The following DLGAP2 variants were observed in gnomAD, a reference collection of about 807,000 sequenced individuals.
DLGAP2 encodes the protein DLG associated protein 2, also known as disks large-associated protein 2.
A neutral mutation model predicts 100.3 loss-of-function variants in DLGAP2; 26 were observed. That is an observed-to-expected ratio of 0.26 (90% CI 0.19 to 0.36). DLGAP2 has a LOEUF of 0.36. Ranked by LOEUF, DLGAP2 falls within the 10% of genes least tolerant of loss-of-function variation. The pLI, the probability that DLGAP2 is intolerant of heterozygous loss-of-function variation, is 1.00. For synonymous variants in DLGAP2, 886 were observed against 630.1 expected, an observed-to-expected ratio of 1.41 and a Z score of -6.08; for missense variants, 1,858 against 1,453.2, an observed-to-expected ratio of 1.28 and a Z score of -4.53.
intron 2 of DLGAP2, among the ~76,000 whole-genome samples, chr8:1,025,143 CGTGTGT>C (rs1002812332): frequency 1.3e-5 from 2 of 151,582 alleles, no homozygotes; most frequent in African/African-American, 2.4e-5. Flanking sequence ...TGTGTGTGTG[CGTGTGT>C]GTGTGCGCAC....
intron 4 of DLGAP2, among the ~76,000 whole-genome samples, chr8:1,544,761 C>T (rs1381455572): frequency 1.4e-5 from 2 of 146,892 alleles, no homozygotes; most frequent in East Asian, 2.0e-4. Flanking sequence ...AGACAGAGGT[C>T]TCACTTTTGT....
chr8:1,255,657 T>G (rs1799186033), intron 2 of DLGAP2, among the ~76,000 whole-genome samples: 1 of 141,272 alleles, frequency 7.1e-6, no homozygotes, highest in Admixed American at 7.0e-5. Flanking sequence ...CCGGGCGCTG[T>G]GTGTGTGTCG....
chr8:762,542 A>C (rs558350181), intron 1 of DLGAP2, among the ~76,000 whole-genome samples: 8 of 151,788 alleles, frequency 5.3e-5, no homozygotes, highest in Admixed American at 3.9e-4. Context: ...CACTTTGCTG[A>C]CTCCCAGGGG....
chr8:952,665 C>A (rs2129008138), intron 2 of DLGAP2, among the ~76,000 whole-genome samples: 1 of 152,082 alleles, frequency 6.6e-6, no homozygotes, highest in East Asian at 1.9e-4. Context: ...TAAAAATAAT[C>A]AACATATTTC....
chr8:806,623 T>TG (rs1333597535), intron 1 of DLGAP2, among the ~76,000 whole-genome samples: 1 of 152,194 alleles, frequency 6.6e-6, no homozygotes, highest in African/African-American at 2.4e-5. Context: ...CGGCTGCTCC[T>TG]GGGGTCCCTG....
intron 3 of DLGAP2, among the ~76,000 whole-genome samples, chr8:1,455,037 G>A (rs561869906): frequency 1.3e-5 from 2 of 151,748 alleles, no homozygotes; most frequent in African/African-American, 4.8e-5. Context: ...GGTCTGGGGA[G>A]GGGGGGATAC....
At chr8:1,661,939 T>A (rs567268638) in intron 8 of DLGAP2, among the ~76,000 whole-genome samples, 5 of 152,220 alleles carry the variant, frequency 3.3e-5, no homozygotes, top group Non-Finnish European at 7.3e-5. Context: ...TGAGCCTGGG[T>A]GCTCTGCCAG....
intron 4 of DLGAP2, among the ~76,000 whole-genome samples, chr8:1,511,137 C>T (rs550213237): frequency 6.6e-6 from 1 of 152,374 alleles, no homozygotes; most frequent in South Asian, 2.1e-4. Flanking sequence ...GGGTGACCAT[C>T]CTCCATGGAT....
chr8:746,596 C>G (rs1820623857), intron 1 of DLGAP2, among the ~76,000 whole-genome samples: 1 of 152,232 alleles, frequency 6.6e-6, no homozygotes, highest in Non-Finnish European at 1.5e-5. Flanking sequence ...GCATGAGCCC[C>G]TCATCTGCTG....
chr8:1,073,618 G>A (rs886816650), intron 2 of DLGAP2, among the ~76,000 whole-genome samples: 3 of 152,182 alleles, frequency 2.0e-5, no homozygotes, highest in East Asian at 1.9e-4. Context: ...ATGGTGGAAC[G>A]TGGCACAGAC....
chr8:1,067,869 G>T (rs1428102441), intron 2 of DLGAP2, among the ~76,000 whole-genome samples: 1 of 151,896 alleles, frequency 6.6e-6, no homozygotes, highest in Non-Finnish European at 1.5e-5. Flanking sequence ...CACAGGTTTG[G>T]GCAGGTGTTT....
intron 6 of DLGAP2, among the ~76,000 whole-genome samples, chr8:1,582,621 G>A (rs1413050691): frequency 1.3e-5 from 2 of 151,808 alleles, no homozygotes; most frequent in Non-Finnish European, 2.9e-5. Flanking sequence ...ATGGAGTCTC[G>A]CTCCGTCACC....
chr8:1,012,042 C>G (rs1339391201), intron 2 of DLGAP2, among the ~76,000 whole-genome samples: 1 of 152,228 alleles, frequency 6.6e-6, no homozygotes, highest in Admixed American at 6.5e-5. Flanking sequence ...TTTATAGGCC[C>G]TGCAAACACA....
chr8:1,180,412 C>G (rs1025881395), intron 2 of DLGAP2, among the ~76,000 whole-genome samples: 1 of 152,194 alleles, frequency 6.6e-6, no homozygotes, highest in Non-Finnish European at 1.5e-5. Context: ...ACAATGTTGC[C>G]CAGCCTGGTC....
chr8:1,279,677 G>C lies in DLGAP2; in HGVS notation c.106+20794G>C, dbSNP rs1218601303. On this transcript the variant is annotated intron_variant, in intron 3 of 14. Coordinates refer to ENST00000637795, the MANE Select transcript of DLGAP2 (RefSeq NM_001346810.2). ...GTGTCAGCTTGTGAGGCTTGGCTGA[G>C]TTGGTGCTGGCTTCCAAGCTCGCCC... Among the ~76,000 whole-genome samples the C allele has an allele frequency of 3.3e-5, 5 of 152,328 alleles. 1 individual carries two copies. The highest frequency in any genetic ancestry group is 1.2e-4 in the African/African-American group (5 of 41,572).
At chr8:1,459,340 T>C (rs1215305551) in intron 3 of DLGAP2, among the ~76,000 whole-genome samples, 2 of 152,218 alleles carry the variant, frequency 1.3e-5, no homozygotes, top group Non-Finnish European at 2.9e-5. Flanking sequence ...CTGGTTTACA[T>C]GCATAGGCCC....
At chr8:1,690,000 G>C (rs983297437) in intron 12 of DLGAP2, among the ~76,000 whole-genome samples, 2 of 152,012 alleles carry the variant, frequency 1.3e-5, no homozygotes. Context: ...GAGGATCATG[G>C]TGAGCTAGGA....
At chr8:1,661,368 C>T (rs1044102658) in intron 8 of DLGAP2, among the ~76,000 whole-genome samples, 3 of 152,144 alleles carry the variant, frequency 2.0e-5, no homozygotes, top group Non-Finnish European at 2.9e-5. Context: ...GGAGTAACAT[C>T]ACTGTTGACA....
chr8:1,598,092 G>T (rs1475490327), intron 6 of DLGAP2, among the ~76,000 whole-genome samples: 1 of 152,172 alleles, frequency 6.6e-6, no homozygotes. Context: ...GAATTTTATT[G>T]CAGGCCTTCT....
Sources: gnomAD v4.1 joint callset for allele counts (sites outside exome capture counted in the v4.1 genomes callset) on GRCh38, gnomAD v4.1.1 for gene constraint, MANE v1.5 for transcripts, NCBI Gene and HGNC (gene_info 2026-07-23, HGNC 2026-07-21) for gene names.